Variants in AFF4 observed in about 807,000 individuals in gnomAD.
AFF4 encodes AF4/FMR2 family member 4.
In AFF4, 13 loss-of-function variants were observed where a neutral mutation model predicts 124.8. The ratio of observed to expected loss-of-function variants is 0.10; its 90% CI spans 0.07 to 0.17. The LOEUF is 0.17. AFF4 is among the 10% of genes least tolerant of loss of function. AFF4 has a pLI of 1.00. For missense variants in AFF4, 1,092 were observed against 1,403.8 expected (o/e 0.78, Z 3.55); for synonymous variants, 477 against 496.1 (o/e 0.96, Z 0.51).
At chr5:132,895,711 T>C (rs1309494753) in intron 11 of AFF4, among the ~76,000 whole-genome samples, 1 of 152,248 alleles carries the variant, frequency 6.6e-6, no homozygotes, top group East Asian at 1.9e-4. Context: ...ATTATTATCC[T>C]CCAATCACAG....
At chr5:132,960,579 A>C (rs900023333) in intron 1 of AFF4, among the ~76,000 whole-genome samples, 2 of 152,234 alleles carry the variant, frequency 1.3e-5, no homozygotes, top group African/African-American at 4.8e-5. Flanking sequence ...AAAATATATA[A>C]CTTTTAGAAA....
At position 132,876,657 on chromosome 5, in the gene AFF4, T is replaced by C. The variant is rs1407298353; in HGVS notation, c.*4402A>G. 1 of 199,126 alleles carries C rather than the reference T, an allele frequency of 5.0e-6. No individual in the cohort carries two copies. Among genetic ancestry groups the C allele is most frequent in the Non-Finnish European group, 1.0e-5 (1 of 96,354 alleles). 12.3% of individuals were successfully genotyped at this position (199,126 alleles called of 1,614,324 possible). A position where few individuals can be genotyped will look rare whatever the true frequency, so the allele number is the denominator to read the frequency against. The stretch of plus-strand genomic sequence containing the variant: ...GACTTAACTTGAATACCTTATTCTG[T>C]GACCAAATTACATGAAAAGAAGATA... On this transcript the variant is annotated 3_prime_UTR_variant, in exon 21 of 21. Transcript: ENST00000265343.
chr5:132,883,583 T>C (rs1241444597), intron 19 of AFF4, 23 bp from the exon 20 acceptor site: 1 of 1,604,330 alleles, frequency 6.2e-7, no homozygotes, highest in Non-Finnish European at 8.5e-7. Context: ...AATAGGAAGC[T>C]TGTTCATATG....
At chr5:132,881,813 T>C (rs750438125) in intron 20 of AFF4, among the ~76,000 whole-genome samples, 1 of 150,564 alleles carries the variant, frequency 6.6e-6, no homozygotes, top group Admixed American at 6.6e-5. Flanking sequence ...CAGCCAAATA[T>C]AAAATACAAA....
chr5:132,936,968 T>G, intron 2 of AFF4, 99 bp downstream of exon 2: 2 of 1,436,256 alleles, frequency 1.4e-6, no homozygotes, highest in East Asian at 4.7e-5. Context: ...GTGGTATTCA[T>G]AGTAATTCTT....
rs145857739 is a variant in AFF4 at position 132,906,031 on chromosome 5, C to T, written c.1051-1627G>A. Among the ~76,000 whole-genome samples, 109 of 152,314 alleles carry T rather than the reference C, an allele frequency of 7.2e-4. 1 individual carries two copies. Among genetic ancestry groups the T allele is most frequent in the African/African-American group, 2.6e-3 (109 of 41,582 alleles). On this transcript the variant is annotated intron_variant, in intron 5 of 20. Coordinates refer to ENST00000265343, the MANE Select transcript of AFF4 (RefSeq NM_014423.4). ...GGCCAATAAGCAGATGAAAAGATTT[C>T]TCACACCTGTCATCACGGAAATACA...
intron 1 of AFF4, among the ~76,000 whole-genome samples, chr5:132,940,580 G>A: frequency 6.6e-6 from 1 of 152,170 alleles, no homozygotes; most frequent in East Asian, 1.9e-4. Context: ...AATCATTCAA[G>A]AAGTATTTCT....
At chr5:132,935,514 T>C (rs1761403986) in intron 2 of AFF4, among the ~76,000 whole-genome samples, 2 of 152,152 alleles carry the variant, frequency 1.3e-5, no homozygotes. Context: ...CTCACACCTA[T>C]AATTCCAGCA....
chr5:132,936,694 G>A (rs1761439489), intron 2 of AFF4, among the ~76,000 whole-genome samples: 1 of 152,152 alleles, frequency 6.6e-6, no homozygotes, highest in African/African-American at 2.4e-5. Context: ...GCACAACTAG[G>A]AAAATAGAGG....
chr5:132,889,836 T>C (rs193066895), intron 13 of AFF4, among the ~76,000 whole-genome samples: 1 of 152,146 alleles, frequency 6.6e-6, no homozygotes, highest in African/African-American at 2.4e-5. Context: ...AGTCTTGCTA[T>C]GTTGCCCAGG....
chr5:132,920,455 C>CAA (rs923530563), intron 5 of AFF4, among the ~76,000 whole-genome samples: 4 of 151,518 alleles, frequency 2.6e-5, no homozygotes, highest in African/African-American at 7.3e-5. Flanking sequence ...CTCCCAAGCT[C>CAA]AAATGATCCC....
At chr5:132,890,713 GC>G (rs1760232960) in intron 13 of AFF4, among the ~76,000 whole-genome samples, 1 of 152,114 alleles carries the variant, frequency 6.6e-6, no homozygotes, top group Non-Finnish European at 1.5e-5. Context: ...ACTGTTAAGT[GC>G]CAAGAGCTAT....
chr5:132,932,749 C>T (rs779808836), intron 3 of AFF4, among the ~76,000 whole-genome samples: 3 of 152,192 alleles, frequency 2.0e-5, no homozygotes, highest in Non-Finnish European at 2.9e-5. Context: ...TGAAAGATTA[C>T]TAGTCTGGAA....
chr5:132,905,046 C>CA (rs1760639469), intron 5 of AFF4, among the ~76,000 whole-genome samples: 5 of 66,720 alleles, frequency 7.5e-5, no homozygotes. Context: ...GAGACTCCAT[C>CA]TCAAAAAAAA....
chr5:132,954,217 C>A (rs887962743), intron 1 of AFF4, among the ~76,000 whole-genome samples: 5 of 152,172 alleles, frequency 3.3e-5, no homozygotes, highest in African/African-American at 1.2e-4. Context: ...GAAAGAAAAC[C>A]ATTTCACCTC....
At chr5:132,923,780 C>T (rs1328148371) in intron 5 of AFF4, among the ~76,000 whole-genome samples, 1 of 152,044 alleles carries the variant, frequency 6.6e-6, no homozygotes, top group African/African-American at 2.4e-5. Flanking sequence ...ATGCACTTAC[C>T]CTATGAACCA....
chr5:132,916,588 C>G lies in AFF4; in HGVS notation c.1050+10533G>C, dbSNP rs147360796. 2.8e-3 allele frequency among the ~76,000 whole-genome samples: 423 copies of G among 152,220 alleles called. 4 individuals are homozygous for G. Among genetic ancestry groups the G allele is most frequent in the African/African-American group, 9.7e-3 (402 of 41,542 alleles). ...TAATACTTCAGCCCACTCCAAAATCCTTAAAAGCCATGGTCTCAACTCCTT... is the reference window on the plus strand; with the variant it reads ...TAATACTTCAGCCCACTCCAAAATCGTTAAAAGCCATGGTCTCAACTCCTT... On this transcript the variant is annotated intron_variant, in intron 5 of 20. Transcript: ENST00000265343.
intron 12 of AFF4, 146 bp downstream of exon 12, chr5:132,892,884 C>T (rs1467640011): frequency 1.4e-6 from 1 of 694,908 alleles, no homozygotes; most frequent in Non-Finnish European, 2.5e-6. Flanking sequence ...AGTGAAAGCT[C>T]CCACTATTTG....
intron 1 of AFF4, among the ~76,000 whole-genome samples, chr5:132,938,121 A>C (rs181670033): frequency 1.3e-5 from 2 of 152,068 alleles, no homozygotes; most frequent in Non-Finnish European, 2.9e-5. Context: ...TTTTTAAAAA[A>C]AAAGGCTCAC....
Sources: allele counts gnomAD v4.1 joint callset (sites outside exome capture counted in the v4.1 genomes callset), GRCh38; gene constraint gnomAD v4.1.1; transcripts MANE v1.5; gene names NCBI Gene and HGNC (gene_info 2026-07-23, HGNC 2026-07-21).